ABR: variants seen among roughly 807,000 people sequenced by gnomAD.
The protein encoded by ABR is ABR activator of RhoGEF and GTPase, also known as active breakpoint cluster region-related protein.
A neutral mutation model predicts 107.2 loss-of-function variants in ABR; 35 were observed. The ratio of observed to expected loss-of-function variants is 0.33; its 90% CI spans 0.25 to 0.43. The LOEUF (loss-of-function observed/expected upper bound fraction) is 0.43. Among genes scored for constraint, ABR ranks in the 20% least tolerant of loss-of-function variants. The pLI is 1.00. For synonymous variants in ABR, 498 were observed against 462.0 expected (o/e 1.08, Z -1.00); for missense variants, 815 against 1,115.2 (o/e 0.73, Z 3.83).
At chr17:1,144,870 A>G (rs2040465946) in intron 1 of ABR, among the ~76,000 whole-genome samples, 1 of 152,086 alleles carries the variant, frequency 6.6e-6, no homozygotes, top group African/African-American at 2.4e-5. Flanking sequence ...AAATACAAAA[A>G]TTAGCTGGGT....
At chr17:1,194,866 T>C (rs1420851248) in intron 1 of ABR, among the ~76,000 whole-genome samples, 3 of 125,764 alleles carry the variant, frequency 2.4e-5, no homozygotes, top group African/African-American at 8.0e-5. Flanking sequence ...TTGGCCAGAC[T>C]GGTCTCGAAC....
At chr17:1,195,304 CAAA>C (rs564020208) in intron 1 of ABR, among the ~76,000 whole-genome samples, 1 of 87,634 alleles carries the variant, frequency 1.1e-5, no homozygotes, top group Admixed American at 1.5e-4. Flanking sequence ...GAGACTGTCT[CAAA>C]AAAAAAAAAA....
chr17:1,140,967 G>A (rs1455115166), intron 1 of ABR, among the ~76,000 whole-genome samples: 2 of 152,022 alleles, frequency 1.3e-5, no homozygotes, highest in African/African-American at 4.8e-5. Flanking sequence ...GAGTGAGACT[G>A]TCTCAAAGAA....
chr17:1,137,512 C>T (rs1189623798), intron 1 of ABR, among the ~76,000 whole-genome samples: 1 of 152,186 alleles, frequency 6.6e-6, no homozygotes, highest in Non-Finnish European at 1.5e-5. Flanking sequence ...ACAGCCAGAA[C>T]ACACAACGTT....
chr17:1,070,219 C>T lies in ABR; in HGVS notation c.895-129G>A, dbSNP rs2035114979. On this transcript the variant is annotated intron_variant, in intron 8 of 22. Transcript: ENST00000302538. This position sits in a 1 kb window ranked among gnomAD's most constrained non-coding sequence, Gnocchi z 4.2. ...GCGGCATAGCCTGTCATCCCTTAAC[C>T]AAAGGTGGTTCAAGCACTGCCTTTG... is the stretch of plus-strand genomic sequence containing the variant. 2 of 1,291,046 alleles carry T rather than the reference C, an allele frequency of 1.5e-6. No homozygotes were observed. The highest frequency in any genetic ancestry group is 4.5e-5 in the Admixed American group (2 of 44,112). 80.0% of individuals were successfully genotyped at this position (1,291,046 alleles called of 1,614,324 possible).
chr17:1,007,432 C>G (rs1228355595), intron 21 of ABR, 120 bp from the exon 22 acceptor site: 2 of 1,257,994 alleles, frequency 1.6e-6, no homozygotes, highest in East Asian at 2.5e-5. Flanking sequence ...CACCTCGTCT[C>G]TGTCTCCTAG....
At position 1,179,698 on chromosome 17, in the gene ABR, C is replaced by T. The variant is rs754929483; in HGVS notation, c.30G>A (p.Pro10=). MEPLSHRGL[P]RLSWIDTLYS... ...AGAGGGTGTCGATCCAGGACAGGCG[C>T]GGCAGGCCCCGGTGGCTGAGCGGCT... The change falls in exon 1 of 23, where the codon CCG becomes CCA. Residue 10 remains proline (P), a synonymous_variant. Coordinates refer to ENST00000302538, the MANE Select transcript of ABR (RefSeq NM_021962.5). This position sits in a 1 kb window ranked among gnomAD's most constrained non-coding sequence, Gnocchi z 4.9. The T allele has an allele frequency of 1.9e-6, 3 of 1,554,444 alleles. No homozygotes were observed. The highest frequency in any genetic ancestry group is 1.8e-5 in the Admixed American group (1 of 55,314).
At position 1,006,334 on chromosome 17, in the gene ABR, G is replaced by C. The variant is rs556190271; in HGVS notation, c.2491-165C>G. ...TTTCTGCAGCCGTGGAAGGTGCTAC[G>C]GGGCAGAGGGTCGGGGGCCTAGGGC... On this transcript the variant is annotated intron_variant, in intron 22 of 22. Transcript: ENST00000302538. 2.1e-4 allele frequency among the ~76,000 whole-genome samples: 32 copies of C among 152,340 alleles called. No individual in the cohort carries two copies. The South Asian group carries it at 6.0e-3, about 29-fold the overall frequency.
At chr17:1,008,902 G>A (rs1302427353) in intron 21 of ABR, among the ~76,000 whole-genome samples, 1 of 152,210 alleles carries the variant, frequency 6.6e-6, no homozygotes, top group African/African-American at 2.4e-5. Context: ...TAGAAAGGGT[G>A]GTGGGAAGGC....
intron 12 of ABR, 29 bp from the exon 13 acceptor site, chr17:1,057,131 C>A (rs1278599631): frequency 1.3e-6 from 2 of 1,493,730 alleles, no homozygotes; most frequent in Non-Finnish European, 1.9e-6. Context: ...GAGAAGGGAG[C>A]GTGGGCACTG....
intron 2 of ABR, among the ~76,000 whole-genome samples, chr17:1,114,767 C>T (rs1009038044): frequency 7.3e-5 from 11 of 150,438 alleles, no homozygotes; most frequent in South Asian, 2.1e-4. Context: ...AGAGAGACTC[C>T]GTCTCAAAAA....
intron 1 of ABR, among the ~76,000 whole-genome samples, chr17:1,196,077 C>T (rs2042556193): frequency 6.8e-6 from 1 of 146,412 alleles, no homozygotes; most frequent in Non-Finnish European, 1.5e-5. Flanking sequence ...TGCAGTGAGC[C>T]GAGATCACGA....
At chr17:1,015,349 G>T (rs1424937381) in intron 16 of ABR, among the ~76,000 whole-genome samples, 1 of 150,202 alleles carries the variant, frequency 6.7e-6, no homozygotes, top group Non-Finnish European at 1.5e-5. Context: ...AACCCAGGAG[G>T]TGGAGGTTGC....
At chr17:1,054,782 G>T (rs2033070636) in intron 14 of ABR, among the ~76,000 whole-genome samples, 1 of 152,090 alleles carries the variant, frequency 6.6e-6, no homozygotes, top group Admixed American at 6.6e-5. Flanking sequence ...AAAGAAGGGA[G>T]GCCAGTTTGC....
At chr17:1,204,823 T>C (rs2042755637) in intron 1 of ABR, among the ~76,000 whole-genome samples, 2 of 151,992 alleles carry the variant, frequency 1.3e-5, no homozygotes, top group Non-Finnish European at 1.5e-5. Context: ...TTGTGTAAAA[T>C]ATACTATGAT....
At chr17:1,030,683 C>T (rs1306833123) in intron 16 of ABR, among the ~76,000 whole-genome samples, 2 of 152,254 alleles carry the variant, frequency 1.3e-5, no homozygotes, top group Non-Finnish European at 2.9e-5. Flanking sequence ...TGCCAGGAGC[C>T]TCAATGCCGG....
Position 1,070,261 on chromosome 17 carries a change from G to GACCCA in ABR, c.895-172_895-171insTGGGT, listed in dbSNP as rs1183494594. 3.3e-5 allele frequency among the ~76,000 whole-genome samples: 5 copies of GACCCA among 152,052 alleles called. No homozygotes were observed. The highest frequency in any genetic ancestry group is 1.2e-4 in the African/African-American group (5 of 41,428). On this transcript the variant is annotated intron_variant, in intron 8 of 22. Coordinates refer to ENST00000302538, the MANE Select transcript of ABR (RefSeq NM_021962.5). This position sits in a 1 kb window ranked among gnomAD's most constrained non-coding sequence, Gnocchi z 4.2. ...CTGCCTTTGGAGTCACATGGGCATG[G>GACCCA]GTTTGAATGCCAACAGGCTTCTCAG...
intron 5 of ABR, among the ~76,000 whole-genome samples, chr17:1,081,601 A>G (rs1256381120): frequency 6.6e-6 from 1 of 151,942 alleles, no homozygotes; most frequent in Non-Finnish European, 1.5e-5. Context: ...TTTTCCAGAC[A>G]GGGTCTCGCT....
At chr17:1,064,969 C>T (rs199582032) in intron 10 of ABR, among the ~76,000 whole-genome samples, 852 of 13,424 alleles carry the variant, frequency 0.063, 4 homozygotes, top group Middle Eastern at 0.25. Context: ...CTAGACACTG[C>T]TGTTACGTGA....
Sources: allele counts gnomAD v4.1 joint callset (sites outside exome capture counted in the v4.1 genomes callset), GRCh38; gene constraint gnomAD v4.1.1; non-coding constraint Gnocchi (gnomAD v3.1); transcripts MANE v1.5; gene names NCBI Gene and HGNC (gene_info 2026-07-23, HGNC 2026-07-21).